Variants in ZNF730 observed in about 807,000 individuals in gnomAD.
The protein encoded by ZNF730 is putative zinc finger protein 730.
ZNF730 carries 12 observed loss-of-function variants against 12.6 expected under a neutral mutation model. The observed-to-expected ratio is 0.95, with a 90% CI of 0.61 to 1.54. The LOEUF is 1.54. Ranked by LOEUF, ZNF730 falls within the 40% of genes most tolerant of loss-of-function variation. The pLI, the probability that ZNF730 is intolerant of heterozygous loss-of-function variation, is 0.00. For synonymous variants in ZNF730, 194 were observed against 195.8 expected (o/e 0.99, Z 0.08); for missense variants, 643 against 583.5 (o/e 1.10, Z -1.05).
intron 1 of ZNF730, among the ~76,000 whole-genome samples, chr19:23,079,795 C>G (rs1413217189): frequency 1.3e-5 from 2 of 152,056 alleles, no homozygotes. Flanking sequence ...TCCTGAAGAA[C>G]CCCATTTTAC....
At chr19:23,116,654 CAG>C (rs1274963107), upstream of ZNF730, among the ~76,000 whole-genome samples, 14 of 149,756 alleles carry the variant, frequency 9.3e-5, no homozygotes, top group African/African-American at 3.4e-4. Flanking sequence ...CTCCTGACCT[CAG>C]ATGATCCACC....
intron 1 of ZNF730, chr19:23,125,688 A>G (rs1167358659): frequency 6.6e-6 from 1 of 152,340 alleles, no homozygotes; most frequent in Non-Finnish European, 1.5e-5. Flanking sequence ...AAGTTGTTAA[A>G]AATAATGCCT....
intron 3 of ZNF730, among the ~76,000 whole-genome samples, chr19:23,137,794 A>G (rs1003013189): frequency 5.3e-5 from 8 of 152,164 alleles, no homozygotes; most frequent in African/African-American, 1.9e-4. Context: ...GTAGCTTGGT[A>G]ACAAGGCTGC....
chr19:23,105,117 TC>T (rs1383311486), intron 1 of ZNF730, among the ~76,000 whole-genome samples: 2 of 90,812 alleles, frequency 2.2e-5, no homozygotes, highest in African/African-American at 6.2e-5. Context: ...TTTTTTCTTT[TC>T]TTTTTTTTTT....
Position 23,136,421 on chromosome 19 carries a change from T to C in ZNF730, c.226+378T>C, listed in dbSNP as rs182447174. Among the ~76,000 whole-genome samples the C allele has an allele frequency of 8.5e-5, 13 of 152,258 alleles. No individual in the cohort carries two copies. In the East Asian group the frequency reaches 2.1e-3, roughly 25 times the overall value. On this transcript the variant is annotated intron_variant, in intron 3 of 3. Transcript: ENST00000597761. ...TTTTTATTTTATTTATTTATTTTTT[T>C]TGAGACGGAGTCTTGCACTATCACC...
intron 1 of ZNF730, among the ~76,000 whole-genome samples, chr19:23,082,006 A>G (rs1568298877): frequency 6.6e-6 from 1 of 152,160 alleles, no homozygotes; most frequent in African/African-American, 2.4e-5. Flanking sequence ...TCAGTCTTTC[A>G]CACTGTAGGA....
chr19:23,096,870 A>G (rs1167015896), intron 1 of ZNF730, among the ~76,000 whole-genome samples: 1 of 152,188 alleles, frequency 6.6e-6, no homozygotes, highest in African/African-American at 2.4e-5. Flanking sequence ...ATTGTGACAT[A>G]TGCCTGGATT....
chr19:23,112,348 T>C (rs1343129198), upstream of ZNF730, among the ~76,000 whole-genome samples: 4 of 152,204 alleles, frequency 2.6e-5, no homozygotes, highest in Non-Finnish European at 5.9e-5. Context: ...AAGCATCTTT[T>C]GTGTGCACTC....
chr19:23,142,568 G>T (rs935469799), intron 3 of ZNF730, among the ~76,000 whole-genome samples: 3 of 151,282 alleles, frequency 2.0e-5, no homozygotes, highest in Non-Finnish European at 2.9e-5. Context: ...GGCGCCTGTA[G>T]TCCCAGCTAC....
chr19:23,102,530 C>G (rs1292411609), intron 1 of ZNF730, among the ~76,000 whole-genome samples: 1 of 149,246 alleles, frequency 6.7e-6, no homozygotes, highest in Non-Finnish European at 1.5e-5. Context: ...TGGAGTTGCT[C>G]TGTCGCCCAG....
chr19:23,117,308 G>T lies in ZNF730; in HGVS notation c.3+132G>T, dbSNP rs546112141. 1.2e-3 allele frequency: 1,842 copies of T among 1,539,740 alleles called. 4 individuals are homozygous for T. Among genetic ancestry groups the T allele is most frequent in the Admixed American group, 4.3e-3 (249 of 58,100 alleles). On this transcript the variant is annotated intron_variant, in intron 1 of 3. Transcript: ENST00000597761. Reference sequence around the variant, plus strand: ...TGCGCCCAGAGTTCTTGCCCAGCTCGGCCTCAGTCCCCTTCAGCCATACGA... The same window carrying T: ...TGCGCCCAGAGTTCTTGCCCAGCTCTGCCTCAGTCCCCTTCAGCCATACGA...
chr19:23,114,451 C>T (rs1238738403), upstream of ZNF730, among the ~76,000 whole-genome samples: 3 of 149,810 alleles, frequency 2.0e-5, no homozygotes, highest in African/African-American at 7.3e-5. Flanking sequence ...GGAATACAGG[C>T]GCCCGCCATC....
chr19:23,097,143 T>G (rs1180978278), intron 1 of ZNF730, among the ~76,000 whole-genome samples: 1 of 152,126 alleles, frequency 6.6e-6, no homozygotes, highest in African/African-American at 2.4e-5. Flanking sequence ...CCTGCCTAGT[T>G]TCTTCACACA....
chr19:23,139,483 A>C (rs1476979123), intron 3 of ZNF730, among the ~76,000 whole-genome samples: 1 of 152,120 alleles, frequency 6.6e-6, no homozygotes, highest in Non-Finnish European at 1.5e-5. Flanking sequence ...GTACAGTTTC[A>C]GTCTAATATT....
At chr19:23,143,596 T>C (rs1174259741) in intron 3 of ZNF730, 1 of 152,228 alleles carries the variant, frequency 6.6e-6, no homozygotes, top group Admixed American at 6.5e-5. Flanking sequence ...GCATCTTTTA[T>C]ATGTTTGTGA....
At chr19:23,093,917 CCTT>C (rs1366976264) in intron 1 of ZNF730, among the ~76,000 whole-genome samples, 1 of 152,228 alleles carries the variant, frequency 6.6e-6, no homozygotes, top group African/African-American at 2.4e-5. Context: ...GTTGGCTTTT[CCTT>C]CTGTCTGCCA....
chr19:23,113,199 T>C (rs1258663824), upstream of ZNF730, among the ~76,000 whole-genome samples: 1 of 152,206 alleles, frequency 6.6e-6, no homozygotes, highest in East Asian at 1.9e-4. Context: ...GGCTGTTTGG[T>C]TAAAATAAGT....
intron 1 of ZNF730, among the ~76,000 whole-genome samples, chr19:23,103,590 G>A (rs1470226222): frequency 1.3e-5 from 2 of 152,080 alleles, no homozygotes; most frequent in African/African-American, 2.4e-5. Context: ...CCTGATTCCT[G>A]GCTTTTGGAT....
At chr19:23,089,869 G>A (rs2145481845) in intron 1 of ZNF730, among the ~76,000 whole-genome samples, 1 of 152,268 alleles carries the variant, frequency 6.6e-6, no homozygotes, top group Non-Finnish European at 1.5e-5. Flanking sequence ...GAAGAAGACA[G>A]GAAAATGTGG....
Sources: gnomAD v4.1 joint callset for allele counts (sites outside exome capture counted in the v4.1 genomes callset) on GRCh38, gnomAD v4.1.1 for gene constraint, MANE v1.5 for transcripts, NCBI Gene and HGNC (gene_info 2026-07-23, HGNC 2026-07-21) for gene names.